Variants in PPP6C observed in about 807,000 individuals in gnomAD.
PPP6C encodes protein phosphatase 6 catalytic subunit, also known as serine/threonine-protein phosphatase 6 catalytic subunit.
Under a neutral mutation model 39.8 loss-of-function variants are expected in PPP6C, and 11 were observed. That is an observed-to-expected ratio of 0.28 (90% CI 0.17 to 0.46). The LOEUF (loss-of-function observed/expected upper bound fraction) is 0.46, where lower values mean the gene tolerates loss of function less well. PPP6C is among the 20% of genes least tolerant of loss of function. PPP6C has a pLI of 1.00. For synonymous variants in PPP6C, 129 were observed against 130.3 expected, an observed-to-expected ratio of 0.99 and a Z score of 0.07; for missense variants, 211 against 373.9, an observed-to-expected ratio of 0.56 and a Z score of 3.59.
intron 1 of PPP6C, among the ~76,000 whole-genome samples, chr9:125,174,174 AAACT>A (rs1480175512): frequency 6.6e-6 from 1 of 152,152 alleles, no homozygotes; most frequent in Non-Finnish European, 1.5e-5. Context: ...AGGAGAAATT[AAACT>A]AACAAGCATA....
chr9:125,160,747 G>A (rs1828851790), intron 3 of PPP6C, 94 bp downstream of exon 3: 2 of 903,556 alleles, frequency 2.2e-6, no homozygotes, highest in Non-Finnish European at 3.3e-6. Flanking sequence ...AATAGGGACT[G>A]TCACATGGTA....
intron 1 of PPP6C, among the ~76,000 whole-genome samples, chr9:125,184,396 AAT>A (rs1829481775): frequency 6.6e-6 from 1 of 151,792 alleles, no homozygotes; most frequent in African/African-American, 2.4e-5. Flanking sequence ...CAAAAATAAA[AAT>A]AATAATTAAT....
chr9:125,184,121 C>T (rs1235180891), intron 1 of PPP6C, among the ~76,000 whole-genome samples: 1 of 152,120 alleles, frequency 6.6e-6, no homozygotes, highest in African/African-American at 2.4e-5. Flanking sequence ...GGCGCGGTGG[C>T]TAACGCCTAT....
rs1286253157 is a variant in PPP6C, at chr9:125,148,248, A to C, written c.*1425T>G. ...TTTCAAAACTACCTGAACAGATGCT[A>C]AAGTGCTTTATTAATTGGCTGGCTT... On this transcript the variant is annotated 3_prime_UTR_variant, in exon 7 of 7. Coordinates refer to ENST00000373547, the MANE Select transcript of PPP6C (RefSeq NM_002721.5). 1 of 152,650 alleles carries C rather than the reference A, an allele frequency of 6.6e-6. No individual in the cohort carries two copies. Among genetic ancestry groups the C allele is most frequent in the Non-Finnish European group, 1.5e-5 (1 of 68,226 alleles). 9.5% of individuals were successfully genotyped at this position (152,650 alleles called of 1,614,324 possible).
At chr9:125,171,496 T>C (rs993363272) in intron 1 of PPP6C, among the ~76,000 whole-genome samples, 14 of 99,016 alleles carry the variant, frequency 1.4e-4, no homozygotes, top group Middle Eastern at 4.6e-3. Context: ...TATATATATA[T>C]ATATATATAT....
At chr9:125,175,870 G>A (rs1829286879) in intron 1 of PPP6C, among the ~76,000 whole-genome samples, 1 of 152,064 alleles carries the variant, frequency 6.6e-6, no homozygotes, top group East Asian at 1.9e-4. Flanking sequence ...AACCAAAACA[G>A]ACTAAAAGCT....
At chr9:125,167,113 GCT>G (rs2131320821) in intron 2 of PPP6C, among the ~76,000 whole-genome samples, 1 of 151,990 alleles carries the variant, frequency 6.6e-6, no homozygotes, top group East Asian at 1.9e-4. Flanking sequence ...AGGTGCAGCG[GCT>G]CACACCTGTA....
intron 6 of PPP6C, chr9:125,150,760 A>C (rs1835916507): frequency 1.1e-5 from 8 of 717,182 alleles, no homozygotes; most frequent in South Asian, 1.1e-4. Context: ...TTCAGCAACT[A>C]GGAGACCTGT....
At chr9:125,151,594 C>A in intron 6 of PPP6C, 1 of 762,096 alleles carries the variant, frequency 1.3e-6, no homozygotes, top group Non-Finnish European at 2.4e-6. Context: ...CTTTATAATA[C>A]AGTAACTTCT....
chr9:125,151,690 C>CACA (rs201260841), intron 6 of PPP6C: 1 of 472,670 alleles, frequency 2.1e-6, no homozygotes, highest in Non-Finnish European at 4.0e-6. Context: ...CAGCTTGCTC[C>CACA]AGTGTAGCTT....
At position 125,186,898 on chromosome 9, in the gene PPP6C, C is replaced by A. The variant is rs370511169; in HGVS notation, c.75+2746G>T. Among the ~76,000 whole-genome samples the A allele has an allele frequency of 2.9e-4, 42 of 145,360 alleles. 2 individuals carry two copies. The East Asian group carries it at 6.2e-3, about 22-fold the overall frequency. On this transcript the variant is annotated intron_variant, in intron 1 of 6. Coordinates refer to ENST00000373547, the MANE Select transcript of PPP6C (RefSeq NM_002721.5). ...GGTAAGAAGGAAATCTAATGTTTAT[C>A]AAACTAAGAGGTACAAAGAAGTCCA...
At position 125,157,786 on chromosome 9, in the gene PPP6C, G is replaced by A. The variant is rs138003538; in HGVS notation, c.379+455C>T. Among the ~76,000 whole-genome samples the A allele has an allele frequency of 7.0e-3, 1,054 of 151,414 alleles. 10 individuals are homozygous for A. Among genetic ancestry groups the A allele is most frequent in the Middle Eastern group, 0.034 (10 of 294 alleles). On this transcript the variant is annotated intron_variant, in intron 4 of 6. Transcript: ENST00000373547. ...GCTCACCACAAACTCTGACTCCTTG[G>A]TTCAAGCAATTCTCCTGCCTCAGCC...
intron 3 of PPP6C, among the ~76,000 whole-genome samples, chr9:125,159,208 T>C (rs1358142573): frequency 1.3e-5 from 2 of 149,516 alleles, no homozygotes; most frequent in South Asian, 2.1e-4. Flanking sequence ...CCGGCTAATT[T>C]TGTATTTTTT....
intron 1 of PPP6C, among the ~76,000 whole-genome samples, chr9:125,189,171 C>G (rs1588302311): frequency 6.6e-6 from 1 of 152,220 alleles, no homozygotes; most frequent in Non-Finnish European, 1.5e-5. Flanking sequence ...CTTCCCCTTC[C>G]TCAGAGACCT....
At chr9:125,153,826 A>G in intron 5 of PPP6C, 80 bp downstream of exon 5, 2 of 1,519,948 alleles carry the variant, frequency 1.3e-6, no homozygotes, top group Non-Finnish European at 9.1e-7. Context: ...ATATCAATAT[A>G]ATTGAGATGA....
chr9:125,182,498 CTAAA>C (rs1369438830), intron 1 of PPP6C, among the ~76,000 whole-genome samples: 1 of 151,908 alleles, frequency 6.6e-6, no homozygotes, highest in Non-Finnish European at 1.5e-5. Context: ...AAGTAACTAA[CTAAA>C]TAAATATCTA....
intron 3 of PPP6C, among the ~76,000 whole-genome samples, 163 bp from the exon 4 acceptor site, chr9:125,158,545 A>G (rs547129574): frequency 6.6e-6 from 1 of 152,362 alleles, no homozygotes; most frequent in East Asian, 1.9e-4. Context: ...ACACGTAAAC[A>G]AATTTTTTCT....
intron 2 of PPP6C, among the ~76,000 whole-genome samples, chr9:125,170,119 CTA>C (rs2131325962): frequency 6.6e-6 from 1 of 152,234 alleles, no homozygotes; most frequent in East Asian, 1.9e-4. Context: ...ATATAGCACT[CTA>C]TGAGTAATCT....
At chr9:125,184,119 G>A (rs1293885061) in intron 1 of PPP6C, among the ~76,000 whole-genome samples, 1 of 152,102 alleles carries the variant, frequency 6.6e-6, no homozygotes, top group African/African-American at 2.4e-5. Flanking sequence ...CAGGCGCGGT[G>A]GCTAACGCCT....
Sources: gnomAD v4.1 joint callset for allele counts (sites outside exome capture counted in the v4.1 genomes callset) on GRCh38, gnomAD v4.1.1 for gene constraint, MANE v1.5 for transcripts, NCBI Gene and HGNC (gene_info 2026-07-23, HGNC 2026-07-21) for gene names.